LTBP1: variants seen among roughly 807,000 people sequenced by gnomAD.
LTBP1 encodes the protein latent transforming growth factor beta binding protein 1.
Under a neutral mutation model 207.6 loss-of-function variants are expected in LTBP1, and 129 were observed. That is an observed-to-expected ratio of 0.62 (90% CI 0.54 to 0.72). LTBP1 has a LOEUF of 0.72. Ranked by LOEUF, LTBP1 falls within the 30% of genes least tolerant of loss-of-function variation. The probability of loss-of-function intolerance (pLI) is 0.00; values close to 1 mark genes in which losing one functional copy is unlikely to be tolerated. For synonymous variants in LTBP1, 963 were observed against 833.7 expected, an observed-to-expected ratio of 1.16 and a Z score of -2.67; for missense variants, 2,281 against 2,217.2, an observed-to-expected ratio of 1.03 and a Z score of -0.58.
At chr2:33,256,461 T>C (rs773291521) in intron 11 of LTBP1, among the ~76,000 whole-genome samples, 5 of 151,982 alleles carry the variant, frequency 3.3e-5, no homozygotes, top group Non-Finnish European at 7.4e-5. Flanking sequence ...CGGCATCTCA[T>C]TTCCCTGAAT....
intron 8 of LTBP1, 136 bp from the exon 9 acceptor site, chr2:33,221,944 T>C (rs1362457756): frequency 3.7e-5 from 21 of 570,314 alleles, no homozygotes; most frequent in Admixed American, 1.6e-4. Context: ...TATGGAGATA[T>C]ACATTGGTAT....
At chr2:33,295,401 C>T (rs2093855164) in intron 20 of LTBP1, among the ~76,000 whole-genome samples, 1 of 152,080 alleles carries the variant, frequency 6.6e-6, no homozygotes, top group Non-Finnish European at 1.5e-5. Context: ...GTGGCATGCG[C>T]ATGTAATCCC....
intron 3 of LTBP1, among the ~76,000 whole-genome samples, chr2:33,073,635 CT>C (rs372400679): frequency 5.4e-5 from 8 of 148,256 alleles, no homozygotes; most frequent in Admixed American, 6.7e-5. Flanking sequence ...TTCTTTCTTT[CT>C]TTTTTTTTTG....
chr2:33,364,284 A>G lies in LTBP1; in HGVS notation c.4468A>G (p.Asn1490Asp), dbSNP rs548133659. The stretch of plus-strand genomic sequence containing the variant: ...GTGTGTTAATACAGAGGGCTCTTAC[A>G]ACTGCTTCTGTACTCACCCCATGGT... ...GQCVNTEGSY[N>D]CFCTHPMVLD... The change falls in exon 30 of 34, where the codon AAC (asparagine) becomes GAC (aspartate). Residue 1490 changes from asparagine to aspartate, a missense_variant. Asn to Asp is a conservative substitution (Grantham distance 23, BLOSUM62 1). Coordinates refer to ENST00000404816, the MANE Select transcript of LTBP1 (RefSeq NM_206943.4). The G allele has an allele frequency of 4.3e-6, 7 of 1,614,118 alleles. No individual in the cohort carries two copies. The South Asian group carries it at 7.7e-5, about 18-fold the overall frequency.
chr2:33,045,874 C>T (rs1259196164), intron 3 of LTBP1, among the ~76,000 whole-genome samples: 1 of 152,092 alleles, frequency 6.6e-6, no homozygotes, highest in East Asian at 1.9e-4. Flanking sequence ...CCCTTTGTAG[C>T]AATTTTGAAT....
intron 9 of LTBP1, among the ~76,000 whole-genome samples, chr2:33,229,306 C>CA (rs923268824): frequency 6.6e-6 from 1 of 151,140 alleles, no homozygotes; most frequent in East Asian, 1.9e-4. Flanking sequence ...CCTGTCTCTA[C>CA]AAAAAAAATA....
chr2:32,989,516 A>G (rs1404193396), intron 2 of LTBP1, among the ~76,000 whole-genome samples: 2 of 152,160 alleles, frequency 1.3e-5, no homozygotes, highest in African/African-American at 4.8e-5. Flanking sequence ...TTTCCAGTAT[A>G]TGCTTTACTC....
At chr2:33,056,622 G>A (rs1171936195) in intron 3 of LTBP1, 8 of 260,378 alleles carry the variant, frequency 3.1e-5, no homozygotes, top group East Asian at 7.7e-5. Context: ...TGGCGTGTCC[G>A]GAGTTTGTTC....
At chr2:33,039,837 A>G (rs2076099093) in intron 3 of LTBP1, among the ~76,000 whole-genome samples, 1 of 152,142 alleles carries the variant, frequency 6.6e-6, no homozygotes, top group Non-Finnish European at 1.5e-5. Context: ...GGGTTCGGAA[A>G]GGCAGGTTCT....
chr2:32,992,655 G>A (rs191815487), intron 2 of LTBP1, among the ~76,000 whole-genome samples: 15 of 152,282 alleles, frequency 9.9e-5, no homozygotes, highest in African/African-American at 3.4e-4. Context: ...TCTGAAAATG[G>A]AGATTTGTGT....
At chr2:33,272,194 A>G (rs2093335637) in intron 15 of LTBP1, among the ~76,000 whole-genome samples, 1 of 152,186 alleles carries the variant, frequency 6.6e-6, no homozygotes, top group African/African-American at 2.4e-5. Flanking sequence ...AGCAACCTCA[A>G]CCCCAATTTA....
chr2:33,274,823 A>T (rs1434231643), intron 16 of LTBP1, 142 bp from the exon 17 acceptor site: 2 of 730,744 alleles, frequency 2.7e-6, no homozygotes, highest in Non-Finnish European at 4.5e-6. Flanking sequence ...GCGAGGAGAA[A>T]GATCGTGTCT....
chr2:33,075,052 A>AAAAAC (rs530512189), intron 3 of LTBP1, among the ~76,000 whole-genome samples: 5 of 152,200 alleles, frequency 3.3e-5, no homozygotes, highest in African/African-American at 7.2e-5. Flanking sequence ...CTCCGTCTCA[A>AAAAAC]AAAACAAAAC....
intron 2 of LTBP1, among the ~76,000 whole-genome samples, chr2:32,960,532 A>G (rs1678930406): frequency 6.6e-6 from 1 of 152,164 alleles, no homozygotes; most frequent in Non-Finnish European, 1.5e-5. Context: ...CCAATTTTAG[A>G]ATCTTTCTGC....
At chr2:33,353,093 C>T (rs907136383) in intron 26 of LTBP1, among the ~76,000 whole-genome samples, 2 of 150,576 alleles carry the variant, frequency 1.3e-5, no homozygotes, top group Middle Eastern at 3.2e-3. Flanking sequence ...ATTCTTGTGC[C>T]TCTGCCTCCC....
At chr2:32,979,429 TCTTAA>T (rs1180808280) in intron 2 of LTBP1, among the ~76,000 whole-genome samples, 2 of 152,110 alleles carry the variant, frequency 1.3e-5, no homozygotes. Context: ...AAAAATTCCT[TCTTAA>T]CTTATTCATT....
At chr2:33,282,707 C>A (rs1231605297) in intron 19 of LTBP1, among the ~76,000 whole-genome samples, 1 of 152,168 alleles carries the variant, frequency 6.6e-6, no homozygotes, top group Non-Finnish European at 1.5e-5. Context: ...TATATTCATT[C>A]ATTTAACAAA....
At chr2:33,264,982 C>T (rs747397314) in intron 15 of LTBP1, among the ~76,000 whole-genome samples, 15 of 152,082 alleles carry the variant, frequency 9.9e-5, no homozygotes. Flanking sequence ...GTCTGAAGGC[C>T]TGGATACCGG....
At chr2:33,308,521 T>G (rs2094133407) in intron 22 of LTBP1, among the ~76,000 whole-genome samples, 1 of 152,162 alleles carries the variant, frequency 6.6e-6, no homozygotes, top group African/African-American at 2.4e-5. Flanking sequence ...ATAAGTAAAT[T>G]TACAGATATG....
Sources: gnomAD v4.1 joint callset for allele counts (sites outside exome capture counted in the v4.1 genomes callset) on GRCh38, gnomAD v4.1.1 for gene constraint, MANE v1.5 for transcripts, NCBI Gene and HGNC (gene_info 2026-07-23, HGNC 2026-07-21) for gene names.